PTPN4: variants seen among roughly 807,000 people sequenced by gnomAD.
The protein encoded by PTPN4 is protein tyrosine phosphatase non-receptor type 4.
Under a neutral mutation model 135.5 loss-of-function variants are expected in PTPN4, and 49 were observed. The observed-to-expected ratio is 0.36, with a 90% CI of 0.29 to 0.46. The LOEUF (loss-of-function observed/expected upper bound fraction) is 0.46, where lower values mean the gene tolerates loss of function less well. PTPN4 is among the 20% of genes least tolerant of loss of function. The pLI is 1.00. For synonymous variants in PTPN4, 333 were observed against 369.9 expected (o/e 0.90, Z 1.14); for missense variants, 860 against 1,101.0 (o/e 0.78, Z 3.10).
intron 2 of PTPN4, among the ~76,000 whole-genome samples, chr2:119,829,340 C>T (rs948666926): frequency 3.9e-5 from 6 of 152,206 alleles, no homozygotes; most frequent in African/African-American, 1.2e-4. Flanking sequence ...ATACATATAA[C>T]GAAATTTACC....
chr2:119,798,199 G>A (rs1036351318), intron 1 of PTPN4, among the ~76,000 whole-genome samples: 3 of 146,954 alleles, frequency 2.0e-5, no homozygotes, highest in African/African-American at 5.0e-5. Flanking sequence ...GGAGTTTTGC[G>A]CTTGTCACCC....
chr2:119,769,523 T>C (rs1432706844), intron 1 of PTPN4, among the ~76,000 whole-genome samples: 2 of 152,192 alleles, frequency 1.3e-5, no homozygotes, highest in African/African-American at 4.8e-5. Flanking sequence ...TGAGGTTTGT[T>C]GCTTTAGCAG....
intron 1 of PTPN4, among the ~76,000 whole-genome samples, chr2:119,783,173 A>C (rs1193124744): frequency 1.3e-5 from 2 of 152,098 alleles, no homozygotes; most frequent in Admixed American, 1.3e-4. Context: ...TCATTTTTGC[A>C]GTAAGGACGT....
intron 2 of PTPN4, among the ~76,000 whole-genome samples, chr2:119,828,097 T>G (rs991766012): frequency 2.0e-5 from 3 of 152,232 alleles, no homozygotes; most frequent in Non-Finnish European, 2.9e-5. Context: ...ACAGTCCATT[T>G]TAGACTTCAG....
intron 22 of PTPN4, among the ~76,000 whole-genome samples, chr2:119,957,765 G>T (rs897703584): frequency 6.6e-6 from 1 of 151,984 alleles, no homozygotes; most frequent in Non-Finnish European, 1.5e-5. Context: ...TGACAAACTT[G>T]GTTTCACCTT....
At chr2:119,846,535 G>A (rs747523139) in intron 2 of PTPN4, among the ~76,000 whole-genome samples, 1 of 150,822 alleles carries the variant, frequency 6.6e-6, no homozygotes. Flanking sequence ...TTCTTTAGCA[G>A]CATATACTTG....
intron 1 of PTPN4, chr2:119,771,686 A>G (rs936474174): frequency 2.6e-5 from 4 of 152,102 alleles, no homozygotes; most frequent in Admixed American, 2.6e-4. Context: ...ATCATTAGCG[A>G]GTTTCCCTCT....
intron 2 of PTPN4, among the ~76,000 whole-genome samples, chr2:119,824,051 TC>T (rs34051629): frequency 1.3e-5 from 2 of 152,232 alleles, no homozygotes; most frequent in Non-Finnish European, 2.9e-5. Context: ...ACTTCCTGTT[TC>T]CCCCAGGCAT....
At chr2:119,968,635 C>CA (rs1013672719) in intron 26 of PTPN4, among the ~76,000 whole-genome samples, 6 of 151,354 alleles carry the variant, frequency 4.0e-5, no homozygotes, top group Non-Finnish European at 7.4e-5. Context: ...ACTAAAAATG[C>CA]AAAAAAAATA....
At chr2:119,967,232 G>T in intron 25 of PTPN4, among the ~76,000 whole-genome samples, 1 of 152,178 alleles carries the variant, frequency 6.6e-6, no homozygotes, top group Admixed American at 6.5e-5. Flanking sequence ...GATCACCTGA[G>T]GTCAGGAGTT....
At chr2:119,898,036 G>A (rs1330234498) in intron 9 of PTPN4, among the ~76,000 whole-genome samples, 1 of 152,198 alleles carries the variant, frequency 6.6e-6, no homozygotes, top group Non-Finnish European at 1.5e-5. Flanking sequence ...CTGACATAAA[G>A]CATGTTAGTG....
chr2:119,821,769 T>C lies in PTPN4; in HGVS notation c.138+11778T>C, dbSNP rs149028308. Among the ~76,000 whole-genome samples the C allele has an allele frequency of 7.0e-4, 107 of 152,312 alleles. 3 individuals carry two copies. The East Asian group carries it at 0.02, about 29-fold the overall frequency. On this transcript the variant is annotated intron_variant, in intron 2 of 26. Transcript: ENST00000263708. Reference sequence around the variant, plus strand: ...TTGTGTGGGATGTGTGCTAGTTCTTTATATCCTTCGTTTTTGAAAATGTCT... The same window carrying C: ...TTGTGTGGGATGTGTGCTAGTTCTTCATATCCTTCGTTTTTGAAAATGTCT...
intron 1 of PTPN4, among the ~76,000 whole-genome samples, chr2:119,781,751 G>C (rs545837568): frequency 6.6e-6 from 1 of 152,238 alleles, no homozygotes. Flanking sequence ...TTAGAATACA[G>C]CCATACTCAT....
Position 119,983,645 on chromosome 2 carries a change from C to T in PTPN4, c.*6575C>T, listed in dbSNP as rs1485889006. The T allele has an allele frequency of 7.9e-5, 12 of 152,072 alleles. 1 individual carries two copies. The highest frequency in any genetic ancestry group is 1.9e-4 in the African/African-American group (8 of 41,412). 9.4% of individuals were successfully genotyped at this position (152,072 alleles called of 1,614,324 possible). A position where few individuals can be genotyped will look rare whatever the true frequency, so the allele number is the denominator to read the frequency against. The stretch of plus-strand genomic sequence containing the variant: ...AAAATTATCCTAGAAGTGTTGTAAA[C>T]GTGGGAAAATTTTAATTAGTGTTGG... On this transcript the variant is annotated 3_prime_UTR_variant, in exon 27 of 27. Coordinates refer to ENST00000263708, the MANE Select transcript of PTPN4 (RefSeq NM_002830.4).
intron 14 of PTPN4, 55 bp downstream of exon 14, chr2:119,932,604 A>G (rs975713178): frequency 2.7e-6 from 4 of 1,503,392 alleles, no homozygotes; most frequent in Non-Finnish European, 3.6e-6. Context: ...ATTTCTAATT[A>G]TTGGCTGTAT....
Position 119,862,856 on chromosome 2 carries a change from A to G in PTPN4, c.246+213A>G, listed in dbSNP as rs192258231. On this transcript the variant is annotated intron_variant, in intron 3 of 26. Coordinates refer to ENST00000263708, the MANE Select transcript of PTPN4 (RefSeq NM_002830.4). ...TAAGGTTTTCATAATTATGTCAGGT[A>G]ATGTCACTTTCATTAATTATGTGTC... 3.6e-3 allele frequency among the ~76,000 whole-genome samples: 547 copies of G among 152,184 alleles called. 3 individuals are homozygous for G. The highest frequency in any genetic ancestry group is 0.013 in the African/African-American group (525 of 41,546).
chr2:119,961,172 A>C (rs1276111751), intron 23 of PTPN4, among the ~76,000 whole-genome samples: 6 of 152,120 alleles, frequency 3.9e-5, no homozygotes, highest in Non-Finnish European at 7.3e-5. Flanking sequence ...TTGTTATTTA[A>C]AGGGATTAAT....
intron 1 of PTPN4, among the ~76,000 whole-genome samples, chr2:119,786,446 C>G (rs545983904): frequency 6.6e-6 from 1 of 152,260 alleles, no homozygotes; most frequent in South Asian, 2.1e-4. Flanking sequence ...GCAAGGAAGA[C>G]TTTTCTCTTT....
chr2:119,860,220 G>C (rs999011492), intron 2 of PTPN4, among the ~76,000 whole-genome samples: 1 of 152,176 alleles, frequency 6.6e-6, no homozygotes, highest in Admixed American at 6.5e-5. Flanking sequence ...GACTGTATCA[G>C]TATATAAAAC....
Sources: allele counts gnomAD v4.1 joint callset (sites outside exome capture counted in the v4.1 genomes callset), GRCh38; gene constraint gnomAD v4.1.1; transcripts MANE v1.5; gene names NCBI Gene and HGNC (gene_info 2026-07-23, HGNC 2026-07-21).